The following LTBP1 variants were observed in gnomAD, a reference collection of about 807,000 sequenced individuals.
The protein encoded by LTBP1 is latent-transforming growth factor beta-binding protein 1.
A neutral mutation model predicts 207.6 loss-of-function variants in LTBP1; 129 were observed. The ratio of observed to expected loss-of-function variants is 0.62; its 90% CI spans 0.54 to 0.72. The LOEUF (loss-of-function observed/expected upper bound fraction) is 0.72, where lower values mean the gene tolerates loss of function less well. LTBP1 is among the 30% of genes least tolerant of loss of function. LTBP1 has a pLI of 0.00. For missense variants in LTBP1, 2,281 were observed against 2,217.2 expected (o/e 1.03, Z -0.58); for synonymous variants, 963 against 833.7 (o/e 1.16, Z -2.67).
At chr2:33,167,531 T>C (rs1332564782) in intron 5 of LTBP1, among the ~76,000 whole-genome samples, 1 of 152,228 alleles carries the variant, frequency 6.6e-6, no homozygotes, top group Non-Finnish European at 1.5e-5. Flanking sequence ...ATTAGAATTC[T>C]GTCTGTCCTG....
intron 2 of LTBP1, among the ~76,000 whole-genome samples, chr2:32,970,743 CTT>C (rs35755633): frequency 0.18 from 26,693 of 147,522 alleles, 2,563 homozygotes; most frequent in East Asian, 0.3. Context: ...TGTTTGGGCT[CTT>C]TTTTTTTTGT....
intron 3 of LTBP1, among the ~76,000 whole-genome samples, chr2:33,074,687 G>A (rs932982851): frequency 1.4e-4 from 22 of 152,018 alleles, no homozygotes; most frequent in Non-Finnish European, 1.0e-4. Flanking sequence ...TGGCTAACAC[G>A]GTGAAACCCC....
intron 9 of LTBP1, among the ~76,000 whole-genome samples, chr2:33,223,076 A>G (rs1451927989): frequency 6.6e-6 from 1 of 152,086 alleles, no homozygotes; most frequent in African/African-American, 2.4e-5. Flanking sequence ...TCACCACCAT[A>G]TGTATTTAGG....
chr2:33,012,583 G>C (rs955186647), intron 2 of LTBP1, among the ~76,000 whole-genome samples: 3 of 152,040 alleles, frequency 2.0e-5, no homozygotes, highest in African/African-American at 7.2e-5. Flanking sequence ...TTCTGTACTT[G>C]TGTCTTTCCT....
At chr2:33,130,690 G>A (rs2081733019) in intron 4 of LTBP1, among the ~76,000 whole-genome samples, 2 of 151,990 alleles carry the variant, frequency 1.3e-5, no homozygotes, top group Non-Finnish European at 2.9e-5. Context: ...GCCTCTTCTT[G>A]GAGGTATAAA....
chr2:33,059,426 G>T (rs1039162272), intron 3 of LTBP1, among the ~76,000 whole-genome samples: 2 of 152,116 alleles, frequency 1.3e-5, no homozygotes, highest in African/African-American at 4.8e-5. Flanking sequence ...GCAAGCCTAG[G>T]GATCTAATTT....
At chr2:32,996,014 AC>A (rs1437080389) in intron 2 of LTBP1, among the ~76,000 whole-genome samples, 1 of 152,198 alleles carries the variant, frequency 6.6e-6, no homozygotes, top group Non-Finnish European at 1.5e-5. Context: ...GCTTTCCTAT[AC>A]ATATCGATAT....
chr2:33,089,999 A>G (rs112562263), intron 3 of LTBP1, among the ~76,000 whole-genome samples: 8 of 152,344 alleles, frequency 5.3e-5, no homozygotes, highest in African/African-American at 1.9e-4. Flanking sequence ...GAGTTTGCTG[A>G]TATTTATTGA....
intron 10 of LTBP1, among the ~76,000 whole-genome samples, chr2:33,250,303 T>C (rs1288243773): frequency 6.6e-6 from 1 of 152,232 alleles, no homozygotes; most frequent in Non-Finnish European, 1.5e-5. Context: ...ATGTGAATCA[T>C]GAAAGCATCA....
chr2:33,372,377 C>A (rs1247959082), intron 31 of LTBP1, among the ~76,000 whole-genome samples: 1 of 152,118 alleles, frequency 6.6e-6, no homozygotes, highest in African/African-American at 2.4e-5. Flanking sequence ...GATTTTAGAG[C>A]TAACAATGAG....
chr2:32,959,483 T>C (rs1333222712), intron 2 of LTBP1, among the ~76,000 whole-genome samples: 2 of 151,224 alleles, frequency 1.3e-5, no homozygotes, highest in Non-Finnish European at 1.5e-5. Context: ...CTTTGTAGAA[T>C]TACCAGACAA....
intron 5 of LTBP1, among the ~76,000 whole-genome samples, chr2:33,162,387 C>A (rs992273952): frequency 6.6e-6 from 1 of 152,160 alleles, no homozygotes; most frequent in Admixed American, 6.5e-5. Flanking sequence ...CTAATAATTA[C>A]TTAGGAAATC....
intron 2 of LTBP1, among the ~76,000 whole-genome samples, chr2:32,980,641 A>G (rs1682621173): frequency 6.6e-6 from 1 of 152,170 alleles, no homozygotes; most frequent in African/African-American, 2.4e-5. Flanking sequence ...TTACAGTGTT[A>G]TAACATTCTA....
chr2:33,283,732 G>A (rs1006488029), intron 19 of LTBP1, among the ~76,000 whole-genome samples: 9 of 152,128 alleles, frequency 5.9e-5, no homozygotes, highest in African/African-American at 1.4e-4. Context: ...CACCGTGCCC[G>A]GTCATTAAAA....
chr2:33,198,214 A>AT (rs1328913595), intron 7 of LTBP1, among the ~76,000 whole-genome samples: 4 of 152,200 alleles, frequency 2.6e-5, no homozygotes, highest in African/African-American at 7.2e-5. Context: ...TGATTTGCGT[A>AT]TATTGAACCA....
intron 2 of LTBP1, among the ~76,000 whole-genome samples, chr2:32,975,621 T>TTTTTTTTTTTG (rs1558461916): frequency 6.9e-5 from 6 of 87,172 alleles, no homozygotes; most frequent in African/African-American, 2.5e-4. Flanking sequence ...TTTTTTTTTT[T>TTTTTTTTTTTG]GTCTGACTGG....
Position 33,263,288 on chromosome 2 carries a change from A to T in LTBP1, c.2519-6A>T. 6.3e-7 allele frequency: 1 copy of T among 1,581,200 alleles called. No homozygotes were observed. Among genetic ancestry groups the T allele is most frequent in the South Asian group, 1.1e-5 (1 of 90,374 alleles). ...TTTTCTTTTTATCCTCTGCTTCCTC[A>T]TATAGTAGTGATTGAAAAAACATCA... On this transcript the variant is annotated splice_polypyrimidine_tract_variant and splice_region_variant and intron_variant, in intron 14 of 33. Transcript: ENST00000404816.
intron 5 of LTBP1, among the ~76,000 whole-genome samples, chr2:33,139,891 A>T (rs1207902529): frequency 6.6e-6 from 1 of 152,218 alleles, no homozygotes. Context: ...GATTGGTGCA[A>T]GGCTGTGGAA....
intron 5 of LTBP1, among the ~76,000 whole-genome samples, chr2:33,179,211 C>G (rs542380786): frequency 1.3e-5 from 2 of 151,996 alleles, no homozygotes; most frequent in Non-Finnish European, 2.9e-5. Flanking sequence ...TTTTTTAAAG[C>G]TCATCAGCTA....
Sources: gnomAD v4.1 joint callset for allele counts (sites outside exome capture counted in the v4.1 genomes callset) on GRCh38, gnomAD v4.1.1 for gene constraint, MANE v1.5 for transcripts, NCBI Gene and HGNC (gene_info 2026-07-23, HGNC 2026-07-21) for gene names.